SRRM1: variants seen among roughly 807,000 people sequenced by gnomAD.
The protein encoded by SRRM1 is serine/arginine repetitive matrix protein 1.
A neutral mutation model predicts 110.2 loss-of-function variants in SRRM1; 19 were observed. The ratio of observed to expected loss-of-function variants is 0.17; its 90% CI spans 0.12 to 0.25. SRRM1 has a LOEUF of 0.25. Among genes scored for constraint, SRRM1 ranks in the 10% least tolerant of loss-of-function variants. The probability of loss-of-function intolerance (pLI) is 1.00; values close to 1 mark genes in which losing one functional copy is unlikely to be tolerated. For synonymous variants in SRRM1, 443 were observed against 414.9 expected (o/e 1.07, Z -0.82); for missense variants, 918 against 1,145.8 (o/e 0.80, Z 2.87).
chr1:24,650,149 T>C (rs942313330), intron 5 of SRRM1, 63 bp downstream of exon 5: 6 of 1,434,900 alleles, frequency 4.2e-6, no homozygotes, highest in Non-Finnish European at 4.6e-6. Context: ...GAAACTTCCT[T>C]AGTTAAAAAG....
At chr1:24,664,976 A>G (rs896196591) in intron 12 of SRRM1, among the ~76,000 whole-genome samples, 1 of 148,490 alleles carries the variant, frequency 6.7e-6, no homozygotes, top group Non-Finnish European at 1.5e-5. Context: ...GCTCTACTCC[A>G]GGATGTTTTT....
Position 24,655,049 on chromosome 1 carries a change from G to T in SRRM1, c.1235G>T (p.Arg412Leu). Residue 412 changes from arginine (R) to leucine (L), a missense_variant, in exon 9 of 17, where the codon CGG becomes CTG. Coordinates refer to ENST00000323848, the MANE Select transcript of SRRM1 (RefSeq NM_005839.4). ...SPPATPPPKT[R>L]HSPTPQQSNR... is the part of the protein sequence containing the mutation. Reference sequence around the variant, plus strand: ...CCTGCAACTCCACCACCCAAAACTCGGCATTCCCCTACACCCCAGCAGTCA... The same window carrying T: ...CCTGCAACTCCACCACCCAAAACTCTGCATTCCCCTACACCCCAGCAGTCA... The T allele has an allele frequency of 6.2e-7, 1 of 1,614,110 alleles. No individual in the cohort carries two copies. Among genetic ancestry groups the T allele is most frequent in the South Asian group, 1.1e-5 (1 of 91,074 alleles).
chr1:24,666,717 A>G, intron 12 of SRRM1, 98 bp from the exon 13 acceptor site: 1 of 911,572 alleles, frequency 1.1e-6, no homozygotes, highest in East Asian at 2.8e-5. Context: ...GTGAGCCAAG[A>G]TCATGCCATT....
chr1:24,655,028 C>G lies in SRRM1; in HGVS notation c.1214C>G (p.Ala405Gly). The change falls in exon 9 of 17, where the codon GCA (alanine) becomes GGA (glycine). Residue 405 changes from alanine to glycine, a missense_variant. Coordinates refer to ENST00000323848, the MANE Select transcript of SRRM1 (RefSeq NM_005839.4). Reference protein sequence around the residue: ...PRRRHRPSPPATPPPKTRHSP... With the variant: ...PRRRHRPSPPGTPPPKTRHSP... ...CGAAGGCACAGGCCATCACCTCCTG[C>G]AACTCCACCACCCAAAACTCGGCAT... The G allele has an allele frequency of 1.2e-6, 2 of 1,614,210 alleles. No individual in the cohort carries two copies. The highest frequency in any genetic ancestry group is 1.7e-6 in the Non-Finnish European group (2 of 1,180,044).
At chr1:24,651,717 T>C (rs1420997423) in intron 6 of SRRM1, 105 bp downstream of exon 6, 1 of 945,140 alleles carries the variant, frequency 1.1e-6, no homozygotes, top group Non-Finnish European at 1.6e-6. Flanking sequence ...TCCTTTTAGA[T>C]TTTTTAAATT....
chr1:24,663,714 T>TA lies in SRRM1; in HGVS notation c.1628+915dup, dbSNP rs561901672. Among the ~76,000 whole-genome samples, 122 of 151,804 alleles carry TA rather than the reference T, an allele frequency of 8.0e-4. 1 individual carries two copies. Among genetic ancestry groups the TA allele is most frequent in the African/African-American group, 2.8e-3 (117 of 41,410 alleles). Reference sequence around the variant, plus strand: ...CAACATGGTGAAACCCCATTTCTACTAAAAATACAAAAATTAGCTGGGAGT... The same window carrying TA: ...CAACATGGTGAAACCCCATTTCTACTAAAAAATACAAAAATTAGCTGGGAGT... On this transcript the variant is annotated intron_variant, in intron 12 of 16. Coordinates refer to ENST00000323848, the MANE Select transcript of SRRM1 (RefSeq NM_005839.4).
At chr1:24,652,800 T>C (rs1371661969) in intron 7 of SRRM1, 113 bp from the exon 8 acceptor site, 2 of 1,414,528 alleles carry the variant, frequency 1.4e-6, no homozygotes, top group Non-Finnish European at 1.9e-6. Flanking sequence ...TCTACATAAA[T>C]GGAAAATTTT....
chr1:24,669,097 A>C (rs1283132370), intron 13 of SRRM1, 26 bp from the exon 14 acceptor site: 1 of 1,585,938 alleles, frequency 6.3e-7, no homozygotes, highest in South Asian at 1.1e-5. Flanking sequence ...TGAGCCTTTC[A>C]GCTTAATTAT....
At chr1:24,659,726 G>A (rs1666160788) in intron 9 of SRRM1, among the ~76,000 whole-genome samples, 1 of 151,738 alleles carries the variant, frequency 6.6e-6, no homozygotes, top group Non-Finnish European at 1.5e-5. Context: ...AAATGGAACA[G>A]GGAGAAAGGG....
At chr1:24,670,427 C>G in intron 15 of SRRM1, 112 bp downstream of exon 15, 3 of 1,120,198 alleles carry the variant, frequency 2.7e-6, no homozygotes, top group Non-Finnish European at 3.7e-6. Flanking sequence ...CTTTTTTTCC[C>G]ATTTGTGAGT....
At chr1:24,669,632 G>A (rs1671726415) in intron 14 of SRRM1, 45 bp downstream of exon 14, 1 of 1,402,014 alleles carries the variant, frequency 7.1e-7, no homozygotes, top group Non-Finnish European at 9.6e-7. Flanking sequence ...TTACATAGCT[G>A]TTTATATTTG....
chr1:24,646,427 T>G (rs1309962653), intron 2 of SRRM1, among the ~76,000 whole-genome samples: 1 of 151,014 alleles, frequency 6.6e-6, no homozygotes, highest in African/African-American at 2.4e-5. Flanking sequence ...ATTGGGAGGC[T>G]GAGGCAGGAG....
intron 16 of SRRM1, among the ~76,000 whole-genome samples, chr1:24,671,865 A>C (rs896233722): frequency 6.6e-6 from 1 of 150,720 alleles, no homozygotes; most frequent in African/African-American, 2.4e-5. Flanking sequence ...TTATATTTGC[A>C]TACAGTTCAG....
chr1:24,660,774 T>C lies in SRRM1; in HGVS notation c.1371T>C (p.Pro457=), dbSNP rs1329142429. The change falls in exon 10 of 17, where the codon CCT becomes CCC. Residue 457 remains proline (P), a synonymous_variant. Transcript: ENST00000323848. ...AATCCCCTTCACCAGCACCGAAGCC[T>C]AGAAAAGTAGAGTTATCTGAATCGG... ...KRESPSPAPK[P]RKVELSESEE... is the part of the protein sequence containing the mutation. The C allele has an allele frequency of 1.3e-6, 2 of 1,596,156 alleles. No individual in the cohort carries two copies. Among genetic ancestry groups the C allele is most frequent in the African/African-American group, 2.7e-5 (2 of 73,752 alleles).
chr1:24,666,932 T>A lies in SRRM1; in HGVS notation c.1739+7T>A. ...CACCACCACCACGACGAAGGTACTT[T>A]GTCAAATATGCTAACTGGAGCATCT... On this transcript the variant is annotated splice_region_variant and intron_variant, in intron 13 of 16. Transcript: ENST00000323848. 1 of 1,593,046 alleles carries A rather than the reference T, an allele frequency of 6.3e-7. No homozygotes were observed. The highest frequency in any genetic ancestry group is 8.5e-7 in the Non-Finnish European group (1 of 1,170,612).
Position 24,663,170 on chromosome 1 carries a change from C to T in SRRM1, c.1628+366C>T, listed in dbSNP as rs1258770734. On this transcript the variant is annotated intron_variant, in intron 12 of 16. Transcript: ENST00000323848. The stretch of plus-strand genomic sequence containing the variant: ...TGGAATTCTTGACATTTGTTTTTCT[C>T]CACTGCTCTCAGGATGCAGATGGGA... 13 of 1,510,376 alleles carry T rather than the reference C, an allele frequency of 8.6e-6. No homozygotes were observed. The South Asian group carries it at 1.5e-4, about 17-fold the overall frequency. The allele number at this position is 1,510,376 out of a possible 1,614,324, so 93.6% of individuals were successfully genotyped here.
At position 24,655,118 on chromosome 1, in the gene SRRM1, C is replaced by A; in HGVS notation, c.1304C>A (p.Thr435Asn). ...KSRVSVSPGR[T>N]SGKVTKHKGT... The stretch of plus-strand genomic sequence containing the variant: ...CGTGTTTCTGTGTCTCCAGGGAGAA[C>A]TTCAGGTAAAGGTAAAAATCAAACA... Residue 435 changes from threonine (T) to asparagine (N), a missense_variant, in exon 9 of 17, where the codon ACT becomes AAT. Thr to Asn is a moderately conservative substitution (Grantham distance 65). Transcript: ENST00000323848. 4 of 1,613,854 alleles carry A rather than the reference C, an allele frequency of 2.5e-6. No individual in the cohort carries two copies. Among genetic ancestry groups the A allele is most frequent in the Non-Finnish European group, 3.4e-6 (4 of 1,179,854 alleles).
Position 24,652,445 on chromosome 1 carries a change from A to C in SRRM1, c.737A>C (p.Lys246Thr). The C allele has an allele frequency of 6.4e-7, 1 of 1,557,208 alleles. No homozygotes were observed. The highest frequency in any genetic ancestry group is 8.6e-7 in the Non-Finnish European group (1 of 1,158,462). Residue 246 changes from lysine (K) to threonine (T), a missense_variant, in exon 7 of 17, where the codon AAA becomes ACA. Transcript: ENST00000323848. Reference protein sequence around the residue: ...QEATSTSDILKVPKPEPIPEP... With the variant: ...QEATSTSDILTVPKPEPIPEP... Reference sequence around the variant, plus strand: ...TTTTGTTTCCACAGTGACATTCTGAAAGTTCCCAAACCTGAACCTATACCA... The same window carrying C: ...TTTTGTTTCCACAGTGACATTCTGACAGTTCCCAAACCTGAACCTATACCA...
chr1:24,647,000 T>C (rs1450991566), intron 3 of SRRM1: 5 of 396,094 alleles, frequency 1.3e-5, no homozygotes, highest in Admixed American at 9.2e-5. Context: ...ATCAAACTTA[T>C]TGTTTGTAAT....
Sources: allele counts gnomAD v4.1 joint callset (sites outside exome capture counted in the v4.1 genomes callset), GRCh38; gene constraint gnomAD v4.1.1; transcripts MANE v1.5; gene names NCBI Gene and HGNC (gene_info 2026-07-23, HGNC 2026-07-21).